TMEM135: variants seen among roughly 807,000 people sequenced by gnomAD.
The protein encoded by TMEM135 is transmembrane protein 135.
In TMEM135, 30 loss-of-function variants were observed where a neutral mutation model predicts 60.3. That is an observed-to-expected ratio of 0.50 (90% CI 0.37 to 0.68). TMEM135 has a LOEUF of 0.68. Ranked by LOEUF, TMEM135 falls within the 30% of genes least tolerant of loss-of-function variation. The pLI is 0.00. For missense variants in TMEM135, 468 were observed against 548.8 expected, an observed-to-expected ratio of 0.85 and a Z score of 1.47; for synonymous variants, 190 against 186.7, an observed-to-expected ratio of 1.02 and a Z score of -0.14.
intron 4 of TMEM135, among the ~76,000 whole-genome samples, 189 bp from the exon 5 acceptor site, chr11:87,157,152 T>C (rs1938722436): frequency 6.6e-6 from 1 of 151,040 alleles, no homozygotes; most frequent in African/African-American, 2.4e-5. Context: ...AGCCTTGAAC[T>C]CCTGGACTCA....
chr11:87,263,903 C>A (rs1941700085), intron 6 of TMEM135, among the ~76,000 whole-genome samples: 1 of 151,626 alleles, frequency 6.6e-6, no homozygotes, highest in Admixed American at 6.6e-5. Context: ...GCAAATAGAC[C>A]CAGTATTATT....
At chr11:87,097,649 A>G (rs1044876152) in intron 4 of TMEM135, among the ~76,000 whole-genome samples, 1 of 152,078 alleles carries the variant, frequency 6.6e-6, no homozygotes, top group Non-Finnish European at 1.5e-5. Flanking sequence ...TTTTACCACC[A>G]CTGTCTGCTT....
chr11:87,116,644 CACAG>C (rs750904215), intron 4 of TMEM135, among the ~76,000 whole-genome samples: 2 of 43,128 alleles, frequency 4.6e-5, no homozygotes, highest in African/African-American at 1.5e-4. Flanking sequence ...CACACACACA[CACAG>C]ACACACACAT....
At chr11:87,147,472 A>G (rs1394354224) in intron 4 of TMEM135, among the ~76,000 whole-genome samples, 1 of 152,080 alleles carries the variant, frequency 6.6e-6, no homozygotes, top group Non-Finnish European at 1.5e-5. Context: ...AATAGCTGGG[A>G]CTATAGGCAT....
chr11:87,055,780 G>A (rs572555013), intron 1 of TMEM135, among the ~76,000 whole-genome samples: 20 of 151,974 alleles, frequency 1.3e-4, no homozygotes, highest in Non-Finnish European at 2.5e-4. Flanking sequence ...AGTAGAGTTG[G>A]GGTTTCACCA....
At chr11:87,077,666 TC>T (rs1856902496) in intron 3 of TMEM135, among the ~76,000 whole-genome samples, 1 of 152,230 alleles carries the variant, frequency 6.6e-6, no homozygotes, top group South Asian at 2.1e-4. Context: ...TTTAATATAT[TC>T]ACAAAGTTGT....
Position 87,327,939 on chromosome 11 carries a change from C to A in TMEM135, c.*6606C>A, listed in dbSNP as rs1386274404. The A allele has an allele frequency of 4.4e-6, 2 of 453,892 alleles. No homozygotes were observed. The highest frequency in any genetic ancestry group is 8.8e-6 in the Non-Finnish European group (2 of 226,762). 28.1% of individuals were successfully genotyped at this position (453,892 alleles called of 1,614,324 possible). On this transcript the variant is annotated 3_prime_UTR_variant, in exon 15 of 15. Coordinates refer to ENST00000305494, the MANE Select transcript of TMEM135 (RefSeq NM_022918.4). ...CCAGGCCTCCAGTGGATTGGAGGTG[C>A]CTGCCCATATTGAGGGCAGATCTTC...
chr11:87,288,007 T>A (rs543653184), intron 6 of TMEM135, among the ~76,000 whole-genome samples: 167 of 152,276 alleles, frequency 1.1e-3, no homozygotes, highest in African/African-American at 3.8e-3. Flanking sequence ...ATGCTTATTG[T>A]AAAAATTTAA....
At chr11:87,081,576 G>A (rs1436640385) in intron 3 of TMEM135, among the ~76,000 whole-genome samples, 6 of 151,904 alleles carry the variant, frequency 3.9e-5, no homozygotes, top group African/African-American at 1.5e-4. Context: ...GATATTAAGA[G>A]CAATAACTTC....
At chr11:87,163,882 GTTGT>G (rs1231679629) in intron 5 of TMEM135, among the ~76,000 whole-genome samples, 3 of 146,756 alleles carry the variant, frequency 2.0e-5, no homozygotes, top group Non-Finnish European at 3.0e-5. Context: ...TTTTGATGGG[GTTGT>G]TTGTTTTTTT....
At chr11:87,075,988 C>CT (rs1856863479) in intron 3 of TMEM135, among the ~76,000 whole-genome samples, 1 of 152,172 alleles carries the variant, frequency 6.6e-6, no homozygotes, top group African/African-American at 2.4e-5. Flanking sequence ...CTGGGTCAGA[C>CT]TTGAAGCTAG....
intron 6 of TMEM135, among the ~76,000 whole-genome samples, chr11:87,266,595 G>T (rs956413312): frequency 1.4e-4 from 21 of 151,890 alleles, no homozygotes; most frequent in Non-Finnish European, 2.6e-4. Flanking sequence ...CATGCTTATA[G>T]CTTTAACTAC....
At chr11:87,219,739 C>A (rs113273597) in intron 5 of TMEM135, among the ~76,000 whole-genome samples, 189 of 152,224 alleles carry the variant, frequency 1.2e-3, no homozygotes, top group Middle Eastern at 3.4e-3. Flanking sequence ...CATGAGGTAA[C>A]TGACCATAAG....
chr11:87,224,245 T>C (rs605658), intron 5 of TMEM135, among the ~76,000 whole-genome samples: 9,458 of 152,294 alleles, frequency 0.062, 386 homozygotes, highest in South Asian at 0.12. Flanking sequence ...TGGCTATCAA[T>C]ATACACTTAA....
At chr11:87,316,879 CTT>C (rs879583719) in intron 12 of TMEM135, among the ~76,000 whole-genome samples, 2 of 139,322 alleles carry the variant, frequency 1.4e-5, no homozygotes, top group African/African-American at 2.6e-5. Context: ...GTGATGCAGA[CTT>C]TTTTTTTTTT....
chr11:87,086,006 A>G (rs1022393322), intron 3 of TMEM135, among the ~76,000 whole-genome samples: 2 of 152,094 alleles, frequency 1.3e-5, no homozygotes, highest in Admixed American at 6.5e-5. Flanking sequence ...TGATTTCATA[A>G]TATTGATTAT....
At chr11:87,146,296 A>T (rs1489438888) in intron 4 of TMEM135, among the ~76,000 whole-genome samples, 2 of 152,110 alleles carry the variant, frequency 1.3e-5, no homozygotes, top group African/African-American at 4.8e-5. Context: ...CAGGAGGATT[A>T]GTTGAACTCA....
intron 6 of TMEM135, among the ~76,000 whole-genome samples, chr11:87,260,037 G>C (rs1413114191): frequency 6.6e-6 from 1 of 152,188 alleles, no homozygotes; most frequent in Non-Finnish European, 1.5e-5. Flanking sequence ...TAGGACCTCT[G>C]AATCTCAGCT....
chr11:87,120,321 G>A (rs1271014077), intron 4 of TMEM135, among the ~76,000 whole-genome samples: 3 of 151,410 alleles, frequency 2.0e-5, no homozygotes, highest in African/African-American at 7.3e-5. Flanking sequence ...GCCTAGGGTG[G>A]TCTTGAACTC....
Sources: gnomAD v4.1 joint callset for allele counts (sites outside exome capture counted in the v4.1 genomes callset) on GRCh38, gnomAD v4.1.1 for gene constraint, MANE v1.5 for transcripts, NCBI Gene and HGNC (gene_info 2026-07-23, HGNC 2026-07-21) for gene names.